ZBTB20: variants seen among roughly 807,000 people sequenced by gnomAD.
The protein encoded by ZBTB20 is zinc finger and BTB domain-containing protein 20.
Under a neutral mutation model 56.9 loss-of-function variants are expected in ZBTB20, and 9 were observed. That is an observed-to-expected ratio of 0.16 (90% CI 0.10 to 0.28). ZBTB20 has a LOEUF of 0.28. Ranked by LOEUF, ZBTB20 falls within the 10% of genes least tolerant of loss-of-function variation. ZBTB20 has a pLI of 1.00. For synonymous variants in ZBTB20, 417 were observed against 420.7 expected (o/e 0.99, Z 0.11); for missense variants, 655 against 1,003.0 (o/e 0.65, Z 4.69).
At chr3:114,758,314 T>C (rs1484136799) in intron 5 of ZBTB20, among the ~76,000 whole-genome samples, 2 of 152,148 alleles carry the variant, frequency 1.3e-5, no homozygotes, top group Admixed American at 6.6e-5. Flanking sequence ...TGTCTTACGA[T>C]GTCCACAAAA....
chr3:114,865,026 G>A (rs1222933765), intron 4 of ZBTB20, among the ~76,000 whole-genome samples: 1 of 152,030 alleles, frequency 6.6e-6, no homozygotes, highest in Non-Finnish European at 1.5e-5. Flanking sequence ...ACAGCCAGAT[G>A]ACAACCAACT....
intron 4 of ZBTB20, among the ~76,000 whole-genome samples, chr3:114,827,733 T>C (rs1579048948): frequency 6.6e-6 from 1 of 151,858 alleles, no homozygotes; most frequent in African/African-American, 2.4e-5. Context: ...TCTTGGGCTT[T>C]CATGACTTCT....
chr3:114,397,161 T>A (rs1333855548), intron 7 of ZBTB20, among the ~76,000 whole-genome samples: 2 of 152,156 alleles, frequency 1.3e-5, no homozygotes, highest in Non-Finnish European at 2.9e-5. Context: ...ACTGTGAATC[T>A]GTATCACCAT....
At chr3:114,998,860 A>C (rs141952838) in intron 2 of ZBTB20, among the ~76,000 whole-genome samples, 26 of 151,666 alleles carry the variant, frequency 1.7e-4, no homozygotes, top group Non-Finnish European at 3.1e-4. Flanking sequence ...TCTGAGGTTC[A>C]GGAAGAGGAT....
At chr3:114,866,365 A>C (rs2075764494) in intron 4 of ZBTB20, among the ~76,000 whole-genome samples, 1 of 152,144 alleles carries the variant, frequency 6.6e-6, no homozygotes, top group African/African-American at 2.4e-5. Context: ...CACTCTAGAC[A>C]CCTTACTCTT....
intron 5 of ZBTB20, among the ~76,000 whole-genome samples, chr3:114,723,393 T>A (rs2108503380): frequency 6.6e-6 from 1 of 152,356 alleles, no homozygotes; most frequent in Admixed American, 6.5e-5. Context: ...CGACAGCTTT[T>A]CAGAGGCTCA....
intron 6 of ZBTB20, among the ~76,000 whole-genome samples, chr3:114,599,754 G>A (rs373132121): frequency 6.6e-6 from 1 of 151,880 alleles, no homozygotes; most frequent in Admixed American, 6.6e-5. Flanking sequence ...GCATAGAAAT[G>A]TTGAAAAACT....
chr3:115,030,862 C>G (rs2080643785), intron 2 of ZBTB20, among the ~76,000 whole-genome samples: 2 of 151,312 alleles, frequency 1.3e-5, no homozygotes, highest in Admixed American at 6.6e-5. Context: ...AGTCTTTTCT[C>G]TCATTAGACG....
At chr3:114,859,287 T>TTCTTTCCTTC (rs1560330459) in intron 4 of ZBTB20, among the ~76,000 whole-genome samples, 2 of 142,806 alleles carry the variant, frequency 1.4e-5, no homozygotes, top group Non-Finnish European at 3.1e-5. Flanking sequence ...TTCCTTCCTT[T>TTCTTTCCTTC]CTTCCTTCCT....
At chr3:114,825,686 C>T (rs2073486595) in intron 4 of ZBTB20, among the ~76,000 whole-genome samples, 1 of 151,888 alleles carries the variant, frequency 6.6e-6, no homozygotes, top group South Asian at 2.1e-4. Context: ...GTTTAAAATA[C>T]TGTGTACTGT....
intron 6 of ZBTB20, among the ~76,000 whole-genome samples, chr3:114,651,822 C>T (rs760661436): frequency 6.6e-6 from 1 of 152,046 alleles, no homozygotes; most frequent in Non-Finnish European, 1.5e-5. Flanking sequence ...ATATTTCTGT[C>T]TTTAACCTTG....
chr3:114,839,750 G>GA (rs886689189), intron 4 of ZBTB20, among the ~76,000 whole-genome samples: 1 of 152,134 alleles, frequency 6.6e-6, no homozygotes, highest in Non-Finnish European at 1.5e-5. Flanking sequence ...TCTTATAAGA[G>GA]AAAAAAGAGA....
chr3:114,803,479 T>A (rs988478731), intron 4 of ZBTB20, among the ~76,000 whole-genome samples: 2 of 151,796 alleles, frequency 1.3e-5, no homozygotes, highest in African/African-American at 4.8e-5. Flanking sequence ...GATCTTACTT[T>A]GCGCCAGGAC....
intron 5 of ZBTB20, among the ~76,000 whole-genome samples, chr3:114,757,669 A>G (rs979131555): frequency 9.2e-5 from 14 of 152,130 alleles, no homozygotes; most frequent in Admixed American, 8.5e-4. Context: ...TAAAAAATAT[A>G]TTTTCTAAAC....
At chr3:114,658,115 C>T (rs1238675494) in intron 6 of ZBTB20, among the ~76,000 whole-genome samples, 2 of 152,104 alleles carry the variant, frequency 1.3e-5, no homozygotes, top group African/African-American at 2.4e-5. Context: ...CACTCAGTCG[C>T]TAAATATGGC....
At position 114,953,133 on chromosome 3, in the gene ZBTB20, A is replaced by T. The variant is rs555326567; in HGVS notation, c.-456+21233T>A. Reference sequence around the variant, plus strand: ...TGTAAGATTTCTACATTCTATTTAAATGTCTAAAATATTGATTCTAAGAAG... The same window carrying T: ...TGTAAGATTTCTACATTCTATTTAATTGTCTAAAATATTGATTCTAAGAAG... On this transcript the variant is annotated intron_variant, in intron 3 of 11. Transcript: ENST00000675478. 9.9e-5 allele frequency among the ~76,000 whole-genome samples: 15 copies of T among 152,176 alleles called. No homozygotes were observed. In the South Asian group the frequency reaches 1.2e-3, roughly 13 times the overall value.
chr3:114,676,216 T>G (rs1412904303), intron 6 of ZBTB20, among the ~76,000 whole-genome samples: 1 of 152,200 alleles, frequency 6.6e-6, no homozygotes. Flanking sequence ...AATTACGTAT[T>G]CATTTGCACA....
At chr3:114,434,039 T>C (rs1459562453) in intron 7 of ZBTB20, among the ~76,000 whole-genome samples, 3 of 152,182 alleles carry the variant, frequency 2.0e-5, no homozygotes, top group African/African-American at 4.8e-5. Context: ...TGGAAGTCAA[T>C]TGAATGATAG....
chr3:114,634,399 C>A (rs1352228650), intron 6 of ZBTB20, among the ~76,000 whole-genome samples: 1 of 152,080 alleles, frequency 6.6e-6, no homozygotes, highest in Admixed American at 6.6e-5. Context: ...GACCCATAGG[C>A]ATGTTAGAAA....
Sources: allele counts gnomAD v4.1 joint callset (sites outside exome capture counted in the v4.1 genomes callset), GRCh38; gene constraint gnomAD v4.1.1; transcripts MANE v1.5; gene names NCBI Gene and HGNC (gene_info 2026-07-23, HGNC 2026-07-21).